TOX: variants seen among roughly 807,000 people sequenced by gnomAD.
TOX encodes the protein thymocyte selection associated high mobility group box, also known as thymocyte selection-associated high mobility group box protein TOX.
TOX carries 11 observed loss-of-function variants against 53.7 expected under a neutral mutation model. The ratio of observed to expected loss-of-function variants is 0.20; its 90% confidence interval spans 0.13 to 0.34. TOX has a LOEUF of 0.34. Among genes scored for constraint, TOX ranks in the 10% least tolerant of loss-of-function variants. The pLI, the probability that TOX is intolerant of heterozygous loss-of-function variation, is 1.00. For missense variants in TOX, 570 were observed against 664.6 expected (o/e 0.86, Z 1.56); for synonymous variants, 225 against 245.3 (o/e 0.92, Z 0.77).
At chr8:59,079,404 T>A (rs1021103334) in intron 1 of TOX, among the ~76,000 whole-genome samples, 1 of 152,180 alleles carries the variant, frequency 6.6e-6, no homozygotes, top group African/African-American at 2.4e-5. Flanking sequence ...AATGATTTCA[T>A]GGGCATGGCC....
rs527595399 is a variant in TOX at position 58,876,881 on chromosome 8, G to A, written c.412-25076C>T. Among the ~76,000 whole-genome samples the A allele has an allele frequency of 2.0e-5, 3 of 152,104 alleles. No homozygotes were observed. The East Asian group carries it at 5.8e-4, about 29-fold the overall frequency. On this transcript the variant is annotated intron_variant, in intron 3 of 8. Transcript: ENST00000361421. ...TTCTCCTAGAAATGCAAATAAACAC[G>A]AACAATATACTTTCAGACATTCTGA...
At chr8:58,929,759 T>C (rs751607177) in intron 3 of TOX, among the ~76,000 whole-genome samples, 3 of 152,030 alleles carry the variant, frequency 2.0e-5, no homozygotes, top group Non-Finnish European at 4.4e-5. Flanking sequence ...AATCATTTTG[T>C]AATTAAAAAA....
chr8:58,895,197 T>C (rs1186687307), intron 3 of TOX, among the ~76,000 whole-genome samples: 3 of 151,890 alleles, frequency 2.0e-5, no homozygotes, highest in Non-Finnish European at 2.9e-5. Context: ...CCAAAATAAA[T>C]AGATAGATAG....
chr8:59,090,585 T>A (rs2129423721), intron 1 of TOX, among the ~76,000 whole-genome samples: 3 of 152,308 alleles, frequency 2.0e-5, no homozygotes, highest in Admixed American at 2.0e-4. Context: ...GTAACTTTCT[T>A]AAGGTCATGA....
intron 3 of TOX, among the ~76,000 whole-genome samples, chr8:58,907,456 G>C (rs1377661910): frequency 1.3e-5 from 2 of 152,156 alleles, no homozygotes; most frequent in African/African-American, 4.8e-5. Context: ...TAACTGAGCT[G>C]TGATGGCGTG....
intron 3 of TOX, among the ~76,000 whole-genome samples, chr8:58,907,998 CAT>C (rs1273221641): frequency 1.3e-5 from 2 of 152,148 alleles, no homozygotes; most frequent in African/African-American, 4.8e-5. Flanking sequence ...CATAGGTAAA[CAT>C]GTGCTATAGT....
chr8:58,949,877 A>G lies in TOX; in HGVS notation c.168+10066T>C, dbSNP rs997157307. Reference sequence around the variant, plus strand: ...TGTATATTTCATATACACATATAATATACAATTACATGTGTATAGTTCATA... The same window carrying G: ...TGTATATTTCATATACACATATAATGTACAATTACATGTGTATAGTTCATA... On this transcript the variant is annotated intron_variant, in intron 2 of 8. Transcript: ENST00000361421. Among the ~76,000 whole-genome samples the G allele has an allele frequency of 1.4e-4, 18 of 124,826 alleles. 1 individual carries two copies. The highest frequency in any genetic ancestry group is 9.2e-4 in the Admixed American group (11 of 12,008). The allele number at this position is 124,826 out of a possible 152,430, so 81.9% of individuals were successfully genotyped here. A position where few individuals can be genotyped will look rare whatever the true frequency, so the allele number is the denominator to read the frequency against.
At chr8:59,073,204 A>C (rs1804230835) in intron 1 of TOX, among the ~76,000 whole-genome samples, 1 of 152,168 alleles carries the variant, frequency 6.6e-6, no homozygotes. Flanking sequence ...CTTATAACTG[A>C]TACTTGGGAA....
intron 1 of TOX, among the ~76,000 whole-genome samples, chr8:59,010,275 C>T (rs998792380): frequency 1.1e-4 from 16 of 152,080 alleles, no homozygotes; most frequent in Non-Finnish European, 1.8e-4. Flanking sequence ...GAGTAAAATG[C>T]TTTATAAGTT....
intron 1 of TOX, among the ~76,000 whole-genome samples, chr8:59,111,581 C>T (rs1203247416): frequency 6.6e-6 from 1 of 152,068 alleles, no homozygotes; most frequent in Non-Finnish European, 1.5e-5. Flanking sequence ...AATCCACCCC[C>T]ACACACCCAT....
Position 59,011,112 on chromosome 8 carries a change from A to C in TOX, c.103-51104T>G, listed in dbSNP as rs574172012. ...TTTTAGATCCCTTTTCATTTGGCTC[A>C]TGGAACATGTCGGAAATGACAATTA... On this transcript the variant is annotated intron_variant, in intron 1 of 8. Transcript: ENST00000361421. 3.9e-5 allele frequency among the ~76,000 whole-genome samples: 6 copies of C among 152,374 alleles called. 1 individual carries two copies. In the South Asian group the frequency reaches 1.2e-3, roughly 32 times the overall value.
intron 6 of TOX, among the ~76,000 whole-genome samples, chr8:58,826,428 G>C (rs1810367924): frequency 6.6e-6 from 1 of 152,174 alleles, no homozygotes; most frequent in Non-Finnish European, 1.5e-5. Flanking sequence ...TTTGGGTCCT[G>C]CTTACCTCCT....
intron 4 of TOX, among the ~76,000 whole-genome samples, chr8:58,848,355 G>C (rs1810752989): frequency 6.6e-6 from 1 of 151,706 alleles, no homozygotes; most frequent in African/African-American, 2.4e-5. Flanking sequence ...TAAACAGAAA[G>C]TAACATACTT....
rs1340391127 is a variant in TOX at position 59,116,723 on chromosome 8, T to TA, written c.102+2162dup. On this transcript the variant is annotated intron_variant, in intron 1 of 8. Coordinates refer to ENST00000361421, the MANE Select transcript of TOX (RefSeq NM_014729.3). Reference sequence around the variant, plus strand: ...AAACATGTCTTATGACTTTGGATTTTAAAAAATCTATTATTCTCTGGATAA... The same window carrying TA: ...AAACATGTCTTATGACTTTGGATTTTAAAAAAATCTATTATTCTCTGGATAA... Among the ~76,000 whole-genome samples the TA allele has an allele frequency of 1.2e-4, 18 of 152,342 alleles. No homozygotes were observed. The East Asian group carries it at 3.1e-3, about 26-fold the overall frequency.
At chr8:59,072,308 A>G (rs971874862) in intron 1 of TOX, among the ~76,000 whole-genome samples, 3 of 152,198 alleles carry the variant, frequency 2.0e-5, no homozygotes, top group African/African-American at 7.2e-5. Context: ...TGACTAAAAA[A>G]ATCTTTCCGC....
At chr8:58,892,146 C>T (rs1217530935) in intron 3 of TOX, among the ~76,000 whole-genome samples, 3 of 152,210 alleles carry the variant, frequency 2.0e-5, no homozygotes, top group South Asian at 2.1e-4. Flanking sequence ...AATTGCTCCA[C>T]TTTCTACATA....
intron 1 of TOX, among the ~76,000 whole-genome samples, chr8:59,056,040 T>A (rs1803882644): frequency 6.6e-6 from 1 of 152,050 alleles, no homozygotes; most frequent in Admixed American, 6.5e-5. Context: ...GCCAAAGAGA[T>A]CAAAACATTT....
In TOX at chr8:58,965,894, GTTTTTTTTT is replaced by G. The variant is rs67045037; in HGVS notation, c.103-5895_103-5887del. On this transcript the variant is annotated intron_variant, in intron 1 of 8. Coordinates refer to ENST00000361421, the MANE Select transcript of TOX (RefSeq NM_014729.3). Reference sequence around the variant, plus strand: ...GCCCAGTATAAGATTACGAGTCATCGTTTTTTTTTTTTTTTTTTTTTTTTTTTTTTTGGT... The same window carrying G: ...GCCCAGTATAAGATTACGAGTCATCGTTTTTTTTTTTTTTTTTTTTTTGGT... Among the ~76,000 whole-genome samples the G allele has an allele frequency of 1.2e-4, 6 of 49,616 alleles. 1 individual carries two copies. The highest frequency in any genetic ancestry group is 3.1e-4 in the African/African-American group (4 of 13,030). 32.6% of individuals were successfully genotyped at this position (49,616 alleles called of 152,430 possible). A position where few individuals can be genotyped will look rare whatever the true frequency, so the allele number is the denominator to read the frequency against.
At chr8:58,896,902 G>A (rs17296500) in intron 3 of TOX, among the ~76,000 whole-genome samples, 3 of 151,880 alleles carry the variant, frequency 2.0e-5, no homozygotes, top group Admixed American at 1.3e-4. Context: ...ATATTCCTAC[G>A]TTAGGGATAA....
Sources: allele counts gnomAD v4.1 joint callset (sites outside exome capture counted in the v4.1 genomes callset), GRCh38; gene constraint gnomAD v4.1.1; transcripts MANE v1.5; gene names NCBI Gene and HGNC (gene_info 2026-07-23, HGNC 2026-07-21).